Variants in CSPG4 observed in about 807,000 individuals in gnomAD.
CSPG4 encodes chondroitin sulfate proteoglycan 4.
CSPG4 carries 74 observed loss-of-function variants against 139.3 expected under a neutral mutation model. That is an observed-to-expected ratio of 0.53 (90% confidence interval 0.44 to 0.64). CSPG4 has a LOEUF of 0.64. Among genes scored for constraint, CSPG4 ranks in the 30% least tolerant of loss-of-function variants. The pLI is 0.00. For missense variants in CSPG4, 2,565 were observed against 3,148.3 expected (o/e 0.81, Z 4.43); for synonymous variants, 1,234 against 1,394.2 (o/e 0.89, Z 2.56).
intron 1 of CSPG4, among the ~76,000 whole-genome samples, chr15:75,693,558 C>T (rs976103505): frequency 7.2e-5 from 11 of 152,208 alleles, no homozygotes; most frequent in Non-Finnish European, 1.5e-4. Flanking sequence ...TCCCCTGGGC[C>T]CCAGAGGAGT....
At chr15:75,697,364 C>G (rs1894241893) in intron 1 of CSPG4, among the ~76,000 whole-genome samples, 1 of 152,242 alleles carries the variant, frequency 6.6e-6, no homozygotes, top group South Asian at 2.1e-4. Flanking sequence ...GGGGCCCCAC[C>G]CTCCATGGGT....
chr15:75,687,873 G>A lies in CSPG4; in HGVS notation c.3192C>T (p.Leu1064=). Residue 1064 remains leucine, a synonymous_variant, in exon 3 of 10, where the codon CTC becomes CTT. Coordinates refer to ENST00000308508, the MANE Select transcript of CSPG4 (RefSeq NM_001897.5). The surrounding 1 kb of genome is among the most constrained non-coding windows in gnomAD (Gnocchi z 5.4). ...AQLVLTRKDL[L]FGSIVAVDEP... ...CATCTACGGCCACGATACTGCCAAA[G>A]AGGAGGTCCTTGCGGGTAAGCACCA... 1 of 1,612,950 alleles carries A rather than the reference G, an allele frequency of 6.2e-7. No homozygotes were observed. The highest frequency in any genetic ancestry group is 8.5e-7 in the Non-Finnish European group (1 of 1,180,036).
At chr15:75,709,270 A>C (rs537869784) in intron 1 of CSPG4, among the ~76,000 whole-genome samples, 10 of 152,296 alleles carry the variant, frequency 6.6e-5, no homozygotes, top group Non-Finnish European at 8.8e-5. Flanking sequence ...GAAGAGCCTT[A>C]ACTCTGGAAG....
chr15:75,712,645 G>A (rs1218857119), intron 1 of CSPG4, 23 bp downstream of exon 1: 4 of 1,548,882 alleles, frequency 2.6e-6, no homozygotes, highest in Non-Finnish European at 3.5e-6. Flanking sequence ...AGGCTGGGTC[G>A]GGGTCTCAGG....
chr15:75,675,468 G>T lies in CSPG4; in HGVS notation c.*82C>A. On this transcript the variant is annotated 3_prime_UTR_variant, in exon 10 of 10. Transcript: ENST00000308508. ...CTCTTGCTCTGGGGATACTCAGACA[G>T]CACCAGGCATGGAAGCAATGGGGCC... 7.3e-7 allele frequency: 1 copy of T among 1,372,466 alleles called. No individual in the cohort carries two copies. The highest frequency in any genetic ancestry group is 9.5e-7 in the Non-Finnish European group (1 of 1,050,470). 85.0% of individuals were successfully genotyped at this position (1,372,466 alleles called of 1,614,324 possible).
At chr15:75,684,109 A>G (rs1005682482) in intron 5 of CSPG4, among the ~76,000 whole-genome samples, 5 of 145,434 alleles carry the variant, frequency 3.4e-5, no homozygotes, top group East Asian at 2.2e-4. Context: ...GCTCCTGCTG[A>G]CCGGGGAGGA....
In CSPG4 at chr15:75,698,942, T is replaced by C. The variant is rs1330502915; in HGVS notation, c.89-5709A>G. ...CCAGGGCCCAGGCCTAGAAGGCTCA[T>C]CACTGGCCAGGGTGGGCTGCCTGGG... On this transcript the variant is annotated intron_variant, in intron 1 of 9. Coordinates refer to ENST00000308508, the MANE Select transcript of CSPG4 (RefSeq NM_001897.5). This position sits in a 1 kb window ranked among gnomAD's most constrained non-coding sequence, Gnocchi z 4.3. Among the ~76,000 whole-genome samples the C allele has an allele frequency of 1.3e-5, 2 of 152,118 alleles. No individual in the cohort carries two copies. The highest frequency in any genetic ancestry group is 2.9e-5 in the Non-Finnish European group (2 of 68,008).
In CSPG4 at chr15:75,700,381, C is replaced by T. The variant is rs1213201986; in HGVS notation, c.89-7148G>A. 3.8e-5 allele frequency among the ~76,000 whole-genome samples: 5 copies of T among 131,110 alleles called. No homozygotes were observed. The East Asian group carries it at 1.2e-3, about 32-fold the overall frequency. 86.0% of individuals were successfully genotyped at this position (131,110 alleles called of 152,430 possible). On this transcript the variant is annotated intron_variant, in intron 1 of 9. Coordinates refer to ENST00000308508, the MANE Select transcript of CSPG4 (RefSeq NM_001897.5). ...TGTCAGGGCCGGGTGGAGGGGGCAGCGAGGAGGGGGGGACAGCGAGGAGGG... is the reference window on the plus strand; with the variant it reads ...TGTCAGGGCCGGGTGGAGGGGGCAGTGAGGAGGGGGGGACAGCGAGGAGGG...
Position 75,689,613 on chromosome 15 carries a change from G to A in CSPG4, c.1452C>T (p.Asp484=). Residue 484 remains aspartate (D), a synonymous_variant, in exon 3 of 10, where the codon GAC becomes GAT. Transcript: ENST00000308508. ...RGARHGELEL[D]IPGAQARKMF... is the part of the protein sequence containing the mutation. The stretch of plus-strand genomic sequence containing the variant: ...TTTTTCGTGCCTGGGCTCCCGGGAT[G>A]TCCAGCTCGAGCTCGCCATGGCGTG... The A allele has an allele frequency of 6.2e-7, 1 of 1,612,862 alleles. No homozygotes were observed. The highest frequency in any genetic ancestry group is 2.2e-5 in the East Asian group (1 of 44,876).
chr15:75,681,169 A>T lies in CSPG4; in HGVS notation c.4950+1124T>A, dbSNP rs565954138. On this transcript the variant is annotated intron_variant, in intron 8 of 9. Coordinates refer to ENST00000308508, the MANE Select transcript of CSPG4 (RefSeq NM_001897.5). ...AGCAGGAGTGGGGAGCCAGGGAAAT[A>T]CAGAACCTGGGACTGGGAGGTGTTG... is the stretch of plus-strand genomic sequence containing the variant. Among the ~76,000 whole-genome samples, 17 of 152,316 alleles carry T rather than the reference A, an allele frequency of 1.1e-4. No homozygotes were observed. In the South Asian group the frequency reaches 3.5e-3, roughly 32 times the overall value.
In CSPG4 at chr15:75,685,168, C is replaced by T. The variant is rs754078913; in HGVS notation, c.4272+51G>A. The T allele has an allele frequency of 1.3e-5, 19 of 1,508,636 alleles. No individual in the cohort carries two copies. In the African/African-American group the frequency reaches 1.4e-4, roughly 11 times the overall value. The allele number at this position is 1,508,636 out of a possible 1,614,324, so 93.5% of individuals were successfully genotyped here. On this transcript the variant is annotated intron_variant, in intron 4 of 9. Coordinates refer to ENST00000308508, the MANE Select transcript of CSPG4 (RefSeq NM_001897.5). Reference sequence around the variant, plus strand: ...CTGGGAGTCCCCAGGGCTCCCTCCACTCTGCCCCCAGAGCTGGGCTGCAGC... The same window carrying T: ...CTGGGAGTCCCCAGGGCTCCCTCCATTCTGCCCCCAGAGCTGGGCTGCAGC...
intron 1 of CSPG4, among the ~76,000 whole-genome samples, chr15:75,704,341 C>T (rs765558163): frequency 0.029 from 4,092 of 139,392 alleles, no homozygotes; most frequent in African/African-American, 0.12. Flanking sequence ...CTGGCTCAGG[C>T]CTCTACAATA....
intron 8 of CSPG4, among the ~76,000 whole-genome samples, chr15:75,681,155 G>T (rs1346710880): frequency 1.3e-5 from 2 of 152,188 alleles, no homozygotes; most frequent in African/African-American, 4.8e-5. Context: ...GCAGGAGTGG[G>T]GAGCCAGGGA....
rs1276923834 is a variant in CSPG4, at chr15:75,677,101, C to T, written c.5418G>A (p.Gly1806=). ...GTCCAGCCACGGAGGCCCCTGCTGG[C>T]CCCTGGAGGTGGGCACGAAAGTGGA... ...DGFHFRAHLQ[G]PAGASVAGPQ... Residue 1806 remains glycine (G), a synonymous_variant, in exon 10 of 10, where the codon GGG becomes GGA. Coordinates refer to ENST00000308508, the MANE Select transcript of CSPG4 (RefSeq NM_001897.5). The T allele has an allele frequency of 7.1e-7, 1 of 1,414,108 alleles. No individual in the cohort carries two copies. Among genetic ancestry groups the T allele is most frequent in the East Asian group, 2.6e-5 (1 of 38,258 alleles). 87.6% of individuals were successfully genotyped at this position (1,414,108 alleles called of 1,614,324 possible).
chr15:75,691,346 G>A (rs1297373028), intron 2 of CSPG4, among the ~76,000 whole-genome samples: 1 of 152,198 alleles, frequency 6.6e-6, no homozygotes, highest in African/African-American at 2.4e-5. Context: ...TGGGCTCTGG[G>A]GACCCTGATA....
At chr15:75,702,891 C>G (rs1298051910) in intron 1 of CSPG4, among the ~76,000 whole-genome samples, 3 of 149,464 alleles carry the variant, frequency 2.0e-5, no homozygotes, top group Admixed American at 1.3e-4. Flanking sequence ...TTCCCAGGCC[C>G]CCCTGCCCGC....
At position 75,688,681 on chromosome 15, in the gene CSPG4, T is replaced by C. The variant is rs115658516; in HGVS notation, c.2384A>G (p.Gln795Arg). Residue 795 changes from glutamine to arginine, a missense_variant, in exon 3 of 10, where the codon CAG becomes CGG. This residue lies in a region of CSPG4 where 2,316 missense variants were observed against 2,818.2 expected (regional missense o/e 0.82). Transcript: ENST00000308508. Reference sequence around the variant, plus strand: ...GGTGAGGGTCTCCTGCTGGGTGTTCTGAGTGTGCAGTGGCTCCAGCCGCAG... The same window carrying C: ...GGTGAGGGTCTCCTGCTGGGTGTTCCGAGTGTGCAGTGGCTCCAGCCGCAG... ...WMLRLEPLHT[Q>R]NTQQETLTTA... 2.1e-3 allele frequency: 3,308 copies of C among 1,611,876 alleles called. 12 individuals are homozygous for C. The highest frequency in any genetic ancestry group is 0.012 in the African/African-American group (906 of 75,042).
At chr15:75,707,793 G>A (rs1434582272) in intron 1 of CSPG4, among the ~76,000 whole-genome samples, 2 of 152,192 alleles carry the variant, frequency 1.3e-5, no homozygotes, top group African/African-American at 4.8e-5. Context: ...GGGGTGCGCT[G>A]GAGTGCAGTC....
In CSPG4 at chr15:75,682,239, C is replaced by T. The variant is rs1222931096; in HGVS notation, c.4950+54G>A. The T allele has an allele frequency of 8.2e-6, 13 of 1,582,846 alleles. No individual in the cohort carries two copies. In the East Asian group the frequency reaches 1.6e-4, roughly 19 times the overall value. On this transcript the variant is annotated intron_variant, in intron 8 of 9. Transcript: ENST00000308508. Reference sequence around the variant, plus strand: ...TGTCCACATGATGTCCATGGCACAGCGGCCACCTGAGGCTGGGGGCATCTG... The same window carrying T: ...TGTCCACATGATGTCCATGGCACAGTGGCCACCTGAGGCTGGGGGCATCTG...
Sources: allele counts gnomAD v4.1 joint callset (sites outside exome capture counted in the v4.1 genomes callset), GRCh38; gene constraint gnomAD v4.1.1; regional missense constraint gnomAD v4.1.1; non-coding constraint Gnocchi (gnomAD v3.1); transcripts MANE v1.5; gene names NCBI Gene and HGNC (gene_info 2026-07-23, HGNC 2026-07-21).